IMMP2L: variants seen among roughly 807,000 people sequenced by gnomAD.
The protein encoded by IMMP2L is inner mitochondrial membrane peptidase subunit 2.
A neutral mutation model predicts 19.3 loss-of-function variants in IMMP2L; 18 were observed. That is an observed-to-expected ratio of 0.93 (90% CI 0.64 to 1.38). The LOEUF (loss-of-function observed/expected upper bound fraction) is 1.38. Among genes scored for constraint, IMMP2L ranks in the 40% most tolerant of loss-of-function variants. The pLI, the probability that IMMP2L is intolerant of heterozygous loss-of-function variation, is 0.00. For synonymous variants in IMMP2L, 76 were observed against 73.0 expected (o/e 1.04, Z -0.21); for missense variants, 233 against 218.2 (o/e 1.07, Z -0.43).
At chr7:111,358,261 G>T (rs981941240) in intron 3 of IMMP2L, among the ~76,000 whole-genome samples, 2 of 148,834 alleles carry the variant, frequency 1.3e-5, no homozygotes, top group African/African-American at 2.6e-5. Flanking sequence ...TCTATTCTCA[G>T]CTCCTCAATG....
At chr7:111,441,867 T>G (rs933665827) in intron 3 of IMMP2L, among the ~76,000 whole-genome samples, 4 of 151,814 alleles carry the variant, frequency 2.6e-5, no homozygotes, top group South Asian at 2.1e-4. Flanking sequence ...GTCCGGGCAC[T>G]GTGGCTCACA....
chr7:111,377,650 C>T (rs1830806437), intron 3 of IMMP2L, among the ~76,000 whole-genome samples: 1 of 151,906 alleles, frequency 6.6e-6, no homozygotes, highest in African/African-American at 2.4e-5. Flanking sequence ...TTCGGCTTGG[C>T]TTTTGATTCT....
intron 3 of IMMP2L, among the ~76,000 whole-genome samples, chr7:111,005,923 A>G (rs1386324200): frequency 6.6e-6 from 1 of 152,102 alleles, no homozygotes; most frequent in East Asian, 1.9e-4. Flanking sequence ...TGGTGAACAA[A>G]GGAATATGAG....
At chr7:111,295,500 G>C (rs73714702) in intron 3 of IMMP2L, among the ~76,000 whole-genome samples, 1 of 151,912 alleles carries the variant, frequency 6.6e-6, no homozygotes, top group African/African-American at 2.4e-5. Flanking sequence ...ATTAGAATAA[G>C]TAAAATGGAA....
At chr7:111,239,457 C>T (rs1031044160) in intron 3 of IMMP2L, among the ~76,000 whole-genome samples, 68 of 151,832 alleles carry the variant, frequency 4.5e-4, no homozygotes, top group Middle Eastern at 3.4e-3. Context: ...AAAATGTGCA[C>T]GAATTATAAA....
intron 3 of IMMP2L, among the ~76,000 whole-genome samples, chr7:111,016,296 T>A (rs2129564699): frequency 6.7e-6 from 1 of 148,320 alleles, no homozygotes; most frequent in South Asian, 2.1e-4. Flanking sequence ...AATATTGTCT[T>A]CCTTCCCTGT....
At chr7:111,516,253 G>T (rs768106677) in intron 2 of IMMP2L, among the ~76,000 whole-genome samples, 1 of 151,998 alleles carries the variant, frequency 6.6e-6, no homozygotes, top group Non-Finnish European at 1.5e-5. Context: ...ATGTACAAGA[G>T]TATCAAGAAT....
At chr7:110,881,705 C>T (rs867924735) in intron 5 of IMMP2L, among the ~76,000 whole-genome samples, 6 of 152,020 alleles carry the variant, frequency 3.9e-5, no homozygotes, top group Admixed American at 6.6e-5. Context: ...TGCTACAATT[C>T]GACAATAAAA....
chr7:110,786,106 G>C (rs998361808), intron 5 of IMMP2L, among the ~76,000 whole-genome samples: 3 of 151,802 alleles, frequency 2.0e-5, no homozygotes, highest in Non-Finnish European at 2.9e-5. Flanking sequence ...ATATTATAAA[G>C]AGTCTTTTAA....
At chr7:111,535,937 G>C (rs1199031049) in intron 1 of IMMP2L, among the ~76,000 whole-genome samples, 2 of 152,070 alleles carry the variant, frequency 1.3e-5, no homozygotes, top group Non-Finnish European at 2.9e-5. Flanking sequence ...CAGAGTAAAG[G>C]TTGATTCTGG....
intron 3 of IMMP2L, among the ~76,000 whole-genome samples, chr7:111,447,254 G>A (rs1431254028): frequency 1.6e-5 from 2 of 125,114 alleles, no homozygotes; most frequent in Non-Finnish European, 3.3e-5. Flanking sequence ...ACACATAATT[G>A]TCAGATTCAC....
intron 5 of IMMP2L, among the ~76,000 whole-genome samples, chr7:110,754,857 C>T (rs771168418): frequency 2.6e-5 from 4 of 151,918 alleles, no homozygotes; most frequent in Non-Finnish European, 4.4e-5. Context: ...ATGCTCTTAA[C>T]GTGGCCCTCG....
chr7:111,341,591 T>G (rs1827014688), intron 3 of IMMP2L, among the ~76,000 whole-genome samples: 1 of 152,170 alleles, frequency 6.6e-6, no homozygotes, highest in Non-Finnish European at 1.5e-5. Context: ...TAAATGCTCC[T>G]GCATAAATCT....
chr7:111,560,394 C>T (rs1312855045), intron 1 of IMMP2L, among the ~76,000 whole-genome samples: 2 of 152,142 alleles, frequency 1.3e-5, no homozygotes, highest in African/African-American at 4.8e-5. Flanking sequence ...TTACACTCTC[C>T]ATGATTCCTA....
At chr7:111,517,048 A>T (rs1845932067) in intron 2 of IMMP2L, among the ~76,000 whole-genome samples, 1 of 152,110 alleles carries the variant, frequency 6.6e-6, no homozygotes, top group South Asian at 2.1e-4. Context: ...AGCTTCTCAG[A>T]GTTCAAAATA....
intron 3 of IMMP2L, among the ~76,000 whole-genome samples, chr7:111,199,014 T>C (rs1243146359): frequency 6.6e-6 from 1 of 152,172 alleles, no homozygotes; most frequent in Non-Finnish European, 1.5e-5. Flanking sequence ...TAAATTCCAC[T>C]GAACTTGATA....
intron 5 of IMMP2L, among the ~76,000 whole-genome samples, chr7:110,669,326 C>T (rs550185583): frequency 2.2e-4 from 34 of 152,174 alleles, no homozygotes; most frequent in Admixed American, 1.1e-3. Flanking sequence ...CTGGTGTGTT[C>T]CTTCTTACTC....
intron 5 of IMMP2L, among the ~76,000 whole-genome samples, chr7:110,738,763 T>C (rs530922721): frequency 2.0e-5 from 3 of 152,178 alleles, no homozygotes; most frequent in Admixed American, 1.3e-4. Context: ...CCTAGGCACA[T>C]AGTCATCAGG....
At chr7:110,794,853 GAATT>G (rs1800753816) in intron 5 of IMMP2L, among the ~76,000 whole-genome samples, 1 of 151,918 alleles carries the variant, frequency 6.6e-6, no homozygotes, top group South Asian at 2.1e-4. Context: ...TAATAATAAT[GAATT>G]AATTAATAAA....
Sources: gnomAD v4.1 joint callset for allele counts (sites outside exome capture counted in the v4.1 genomes callset) on GRCh38, gnomAD v4.1.1 for gene constraint, MANE v1.5 for transcripts, NCBI Gene and HGNC (gene_info 2026-07-23, HGNC 2026-07-21) for gene names.